The following SEL1L variants were observed in gnomAD, a reference collection of about 807,000 sequenced individuals.
SEL1L encodes SEL1L adaptor subunit of SYVN1 ubiquitin ligase, also known as protein sel-1 homolog 1.
SEL1L carries 52 observed loss-of-function variants against 109.8 expected under a neutral mutation model. That is an observed-to-expected ratio of 0.47 (90% CI 0.38 to 0.60). The LOEUF is 0.60. SEL1L is among the 20% of genes least tolerant of loss of function. The pLI is 0.00. For synonymous variants in SEL1L, 373 were observed against 339.6 expected (o/e 1.10, Z -1.08); for missense variants, 749 against 962.2 (o/e 0.78, Z 2.93).
chr14:81,504,676 T>G (rs934334288), intron 4 of SEL1L, among the ~76,000 whole-genome samples: 3 of 152,070 alleles, frequency 2.0e-5, no homozygotes, highest in Non-Finnish European at 4.4e-5. Context: ...TCACACTGAA[T>G]TGTAATCCCT....
chr14:81,530,416 C>T (rs1010849320), intron 1 of SEL1L, among the ~76,000 whole-genome samples: 1 of 152,148 alleles, frequency 6.6e-6, no homozygotes, highest in African/African-American at 2.4e-5. Context: ...ACCTCTGTCC[C>T]GCTGACTCAC....
In SEL1L at chr14:81,533,774, G is replaced by C. The variant is rs374213812; in HGVS notation, c.-30C>G. On this transcript the variant is annotated 5_prime_UTR_variant, in exon 1 of 21. Coordinates refer to ENST00000336735, the MANE Select transcript of SEL1L (RefSeq NM_005065.6). Reference sequence around the variant, plus strand: ...CTCTCGGGGCCGGTGCCAACCCCTAGAGCTGTCGCCTTCGCCTCTGCCACC... The same window carrying C: ...CTCTCGGGGCCGGTGCCAACCCCTACAGCTGTCGCCTTCGCCTCTGCCACC... The C allele has an allele frequency of 3.0e-5, 49 of 1,606,796 alleles. No homozygotes were observed. The African/African-American group carries it at 6.1e-4, about 20-fold the overall frequency.
intron 20 of SEL1L, 133 bp downstream of exon 20, chr14:81,479,479 G>A (rs1903274261): frequency 1.3e-6 from 1 of 795,494 alleles, no homozygotes; most frequent in Non-Finnish European, 1.8e-6. Flanking sequence ...GGGTACCTGA[G>A]CTGAGGAGAA....
intron 16 of SEL1L, among the ~76,000 whole-genome samples, chr14:81,486,774 C>T (rs1903533939): frequency 6.6e-6 from 1 of 151,872 alleles, no homozygotes; most frequent in South Asian, 2.1e-4. Flanking sequence ...GAGGAACCAC[C>T]CTAGGAGGTA....
chr14:81,533,680 G>A lies in SEL1L; in HGVS notation c.65C>T (p.Ser22Phe), dbSNP rs775056431. Reference protein sequence around the residue: ...CAVLLSLASASSDEEGSQDES... With the variant: ...CAVLLSLASAFSDEEGSQDES... ...CCGAGGGGGCGGATACTGACCCGAGGACGCCGAGGCCAAGCTCAGCAGCAC... is the reference window on the plus strand; with the variant it reads ...CCGAGGGGGCGGATACTGACCCGAGAACGCCGAGGCCAAGCTCAGCAGCAC... The change falls in exon 1 of 21, where the codon TCC (serine) becomes TTC (phenylalanine). Residue 22 changes from serine (S) to phenylalanine (F), a missense_variant. By Grantham distance (155) the Ser-to-Phe change is radical (BLOSUM62 -2). Coordinates refer to ENST00000336735, the MANE Select transcript of SEL1L (RefSeq NM_005065.6). The A allele has an allele frequency of 5.0e-6, 8 of 1,613,050 alleles. No individual in the cohort carries two copies. Among genetic ancestry groups the A allele is most frequent in the African/African-American group, 1.3e-5 (1 of 75,030 alleles).
At chr14:81,502,365 T>A (rs1381622364) in intron 6 of SEL1L, among the ~76,000 whole-genome samples, 1 of 152,126 alleles carries the variant, frequency 6.6e-6, no homozygotes. Context: ...AATACTTTTT[T>A]AAAAAAACAC....
At chr14:81,488,863 G>A (rs751329721) in intron 14 of SEL1L, 1 of 241,382 alleles carries the variant, frequency 4.1e-6, no homozygotes. Flanking sequence ...GTAGCTAGAA[G>A]GGGTAAAGGG....
intron 3 of SEL1L, among the ~76,000 whole-genome samples, chr14:81,523,070 G>C (rs1441023069): frequency 6.6e-6 from 1 of 152,110 alleles, no homozygotes; most frequent in African/African-American, 2.4e-5. Flanking sequence ...CAGAAACATA[G>C]CTCTTAAAAT....
rs1299517548 is a variant in SEL1L at position 81,475,998 on chromosome 14, T to C, written c.*974A>G. ...GCAATGATATTTCATATTTAAAGAA[T>C]TCAGGAAGGTGATGTGTTCTTTGTG... On this transcript the variant is annotated 3_prime_UTR_variant, in exon 21 of 21. Coordinates refer to ENST00000336735, the MANE Select transcript of SEL1L (RefSeq NM_005065.6). 1.3e-5 allele frequency: 2 copies of C among 152,206 alleles called. No homozygotes were observed. Among genetic ancestry groups the C allele is most frequent in the Admixed American group, 1.3e-4 (2 of 15,274 alleles). The allele number at this position is 152,206 out of a possible 1,614,324, so 9.4% of individuals were successfully genotyped here.
intron 1 of SEL1L, among the ~76,000 whole-genome samples, chr14:81,530,300 G>C (rs1355387178): frequency 2.6e-5 from 4 of 152,160 alleles, no homozygotes; most frequent in Middle Eastern, 3.2e-3. Flanking sequence ...CTGAGACCTG[G>C]AGAGCTAGGT....
At chr14:81,514,945 T>C (rs1884640639) in intron 3 of SEL1L, among the ~76,000 whole-genome samples, 1 of 152,140 alleles carries the variant, frequency 6.6e-6, no homozygotes, top group Non-Finnish European at 1.5e-5. Context: ...GGAAGGCAAA[T>C]GGAGTGAAAT....
At chr14:81,492,712 A>G (rs1883594793) in intron 11 of SEL1L, among the ~76,000 whole-genome samples, 164 bp from the exon 12 acceptor site, 1 of 152,236 alleles carries the variant, frequency 6.6e-6, no homozygotes, top group South Asian at 2.1e-4. Flanking sequence ...AAATCAGTAC[A>G]TCTAGAAGTT....
chr14:81,526,971 A>G lies in SEL1L; in HGVS notation c.109-7T>C, dbSNP rs779276825. ...CATCTGATGTCAAAGTAGTCTGAGA[A>G]TATAAAGTATTTTTAGTTATCAACA... On this transcript the variant is annotated splice_region_variant and splice_polypyrimidine_tract_variant and intron_variant, in intron 2 of 20. Coordinates refer to ENST00000336735, the MANE Select transcript of SEL1L (RefSeq NM_005065.6). 2 of 1,597,490 alleles carry G rather than the reference A, an allele frequency of 1.3e-6. No individual in the cohort carries two copies. The highest frequency in any genetic ancestry group is 2.2e-5 in the South Asian group (2 of 90,608).
Position 81,527,699 on chromosome 14 carries a change from A to G in SEL1L, c.108+2T>C. On this transcript the variant is annotated splice_donor_variant, in intron 2 of 20. Transcript: ENST00000336735. LOFTEE classifies it high-confidence loss of function. The stretch of plus-strand genomic sequence containing the variant: ...CTGGCCAATACACATTTTAGTACAT[A>G]CCTTGGAATCTAAGGATTCATCCTG... 1.2e-6 allele frequency: 2 copies of G among 1,600,706 alleles called. No homozygotes were observed. The highest frequency in any genetic ancestry group is 1.7e-6 in the Non-Finnish European group (2 of 1,173,192).
At chr14:81,478,059 A>T (rs1903224566) in intron 20 of SEL1L, among the ~76,000 whole-genome samples, 1 of 152,240 alleles carries the variant, frequency 6.6e-6, no homozygotes, top group Non-Finnish European at 1.5e-5. Context: ...GAAACCTGAA[A>T]GTTATGTTCT....
intron 10 of SEL1L, among the ~76,000 whole-genome samples, chr14:81,496,979 C>A (rs1269607645): frequency 6.6e-6 from 1 of 152,058 alleles, no homozygotes; most frequent in Non-Finnish European, 1.5e-5. Flanking sequence ...TAGCATCATG[C>A]TGGCAGAGGG....
intron 3 of SEL1L, among the ~76,000 whole-genome samples, chr14:81,520,816 A>G (rs889537380): frequency 3.3e-5 from 5 of 152,194 alleles, no homozygotes; most frequent in Non-Finnish European, 7.3e-5. Context: ...ACTCTCTAGA[A>G]AATATCACAT....
chr14:81,510,239 T>C (rs1252006567), intron 3 of SEL1L, among the ~76,000 whole-genome samples: 1 of 152,112 alleles, frequency 6.6e-6, no homozygotes, highest in Non-Finnish European at 1.5e-5. Context: ...TGGAGGAGGC[T>C]CAAGCCTTGC....
intron 1 of SEL1L, among the ~76,000 whole-genome samples, chr14:81,528,067 T>C (rs1362830412): frequency 2.6e-5 from 4 of 152,188 alleles, no homozygotes; most frequent in Non-Finnish European, 5.9e-5. Context: ...ATTTAGTCTA[T>C]TTCTGAGAAT....
Sources: allele counts gnomAD v4.1 joint callset (sites outside exome capture counted in the v4.1 genomes callset), GRCh38; gene constraint gnomAD v4.1.1; transcripts MANE v1.5; gene names NCBI Gene and HGNC (gene_info 2026-07-23, HGNC 2026-07-21).